Variants in HTR1F observed in about 807,000 individuals in gnomAD.
HTR1F encodes 5-hydroxytryptamine (serotonin) receptor 1F, G protein-coupled.
Under a neutral mutation model 24.0 loss-of-function variants are expected in HTR1F, and 17 were observed. That is an observed-to-expected ratio of 0.71 (90% CI 0.48 to 1.06). The LOEUF (loss-of-function observed/expected upper bound fraction) is 1.06. Ranked by LOEUF, HTR1F falls within the 50% of genes least tolerant of loss-of-function variation. The pLI is 0.00. For synonymous variants in HTR1F, 186 were observed against 156.8 expected (o/e 1.19, Z -1.39); for missense variants, 391 against 427.8 (o/e 0.91, Z 0.76).
At chr3:87,896,664 C>T (rs1297072428) in intron 2 of HTR1F, among the ~76,000 whole-genome samples, 3 of 152,076 alleles carry the variant, frequency 2.0e-5, no homozygotes, top group Non-Finnish European at 4.4e-5. Context: ...GTTTGCAAAT[C>T]ATATATCTGA....
chr3:87,903,737 A>C (rs1576009428), intron 2 of HTR1F, among the ~76,000 whole-genome samples: 2 of 152,258 alleles, frequency 1.3e-5, no homozygotes, highest in African/African-American at 2.4e-5. Flanking sequence ...GGGATCTAGA[A>C]CTAGAAATAC....
chr3:87,886,456 C>T lies in HTR1F; in HGVS notation c.-43+64332C>T, dbSNP rs536397039. Reference sequence around the variant, plus strand: ...AAGACAGAGATGCCCTCTCTCACCACTCCTATGCAACATAGTGTTGGAAGT... The same window carrying T: ...AAGACAGAGATGCCCTCTCTCACCATTCCTATGCAACATAGTGTTGGAAGT... On this transcript the variant is annotated intron_variant, in intron 2 of 2. Transcript: ENST00000319595. 1.6e-4 allele frequency among the ~76,000 whole-genome samples: 25 copies of T among 152,298 alleles called. No individual in the cohort carries two copies. The East Asian group carries it at 4.6e-3, about 28-fold the overall frequency.
chr3:87,886,264 GA>G (rs1380893334), intron 2 of HTR1F, among the ~76,000 whole-genome samples: 1 of 152,158 alleles, frequency 6.6e-6, no homozygotes, highest in Non-Finnish European at 1.5e-5. Context: ...AATAGATGCA[GA>G]AAAGGCCTTT....
At chr3:87,884,659 A>G (rs1705892522) in intron 2 of HTR1F, among the ~76,000 whole-genome samples, 1 of 150,680 alleles carries the variant, frequency 6.6e-6, no homozygotes, top group Non-Finnish European at 1.5e-5. Flanking sequence ...AGGAAGATCT[A>G]CCAAGCAAAT....
At chr3:87,914,677 C>G (rs1023900938) in intron 2 of HTR1F, among the ~76,000 whole-genome samples, 4 of 152,054 alleles carry the variant, frequency 2.6e-5, no homozygotes, top group African/African-American at 9.7e-5. Flanking sequence ...TCCTCCACAG[C>G]AGCCCCAGCT....
At chr3:87,811,619 A>C (rs1299699901) in intron 1 of HTR1F, among the ~76,000 whole-genome samples, 1 of 152,158 alleles carries the variant, frequency 6.6e-6, no homozygotes, top group African/African-American at 2.4e-5. Context: ...TGTTTAAAAA[A>C]ACAGCTTGAG....
At chr3:87,839,121 T>A (rs552183647) in intron 2 of HTR1F, among the ~76,000 whole-genome samples, 2 of 151,980 alleles carry the variant, frequency 1.3e-5, no homozygotes, top group Admixed American at 1.3e-4. Flanking sequence ...GGGTTCATAC[T>A]CAAAAAAATC....
chr3:87,950,930 A>G (rs944657078), intron 2 of HTR1F, among the ~76,000 whole-genome samples: 1 of 152,182 alleles, frequency 6.6e-6, no homozygotes, highest in African/African-American at 2.4e-5. Context: ...CCTTGGAAAC[A>G]AGTTCTTATC....
At chr3:87,979,294 C>T (rs1705490575) in intron 2 of HTR1F, among the ~76,000 whole-genome samples, 1 of 152,048 alleles carries the variant, frequency 6.6e-6, no homozygotes, top group Non-Finnish European at 1.5e-5. Flanking sequence ...CACACAACCG[C>T]TAGACCTCCA....
At chr3:87,932,652 G>A (rs1704309264) in intron 2 of HTR1F, among the ~76,000 whole-genome samples, 1 of 152,038 alleles carries the variant, frequency 6.6e-6, no homozygotes, top group African/African-American at 2.4e-5. Flanking sequence ...GACTAAACCA[G>A]GAAGAAGTTG....
intron 2 of HTR1F, among the ~76,000 whole-genome samples, chr3:87,881,925 C>A (rs1480803090): frequency 6.6e-6 from 1 of 152,014 alleles, no homozygotes; most frequent in Non-Finnish European, 1.5e-5. Context: ...AACAGGCAAC[C>A]CACAAAATGG....
intron 2 of HTR1F, among the ~76,000 whole-genome samples, chr3:87,885,464 C>T (rs1214052425): frequency 2.0e-5 from 3 of 151,926 alleles, no homozygotes; most frequent in Admixed American, 6.6e-5. Flanking sequence ...AATTCAAAAG[C>T]GAGCAGAAGG....
intron 2 of HTR1F, among the ~76,000 whole-genome samples, chr3:87,872,542 A>G (rs1258091761): frequency 6.6e-6 from 1 of 152,012 alleles, no homozygotes; most frequent in Non-Finnish European, 1.5e-5. Flanking sequence ...TCTAACTAAA[A>G]GAGACTAAGT....
intron 2 of HTR1F, among the ~76,000 whole-genome samples, chr3:87,931,870 C>A (rs1414093312): frequency 6.7e-6 from 1 of 150,334 alleles, no homozygotes; most frequent in Non-Finnish European, 1.5e-5. Context: ...CTGTTCATAT[C>A]CTTTGCCCAC....
intron 2 of HTR1F, among the ~76,000 whole-genome samples, chr3:87,907,197 A>ATT (rs34920865): frequency 0.01 from 1,525 of 147,826 alleles, 19 homozygotes; most frequent in African/African-American, 0.028. Context: ...GCCAACATTT[A>ATT]TTTTTTTTTT....
At chr3:87,934,662 A>G (rs1406963236) in intron 2 of HTR1F, among the ~76,000 whole-genome samples, 1 of 152,160 alleles carries the variant, frequency 6.6e-6, no homozygotes, top group Non-Finnish European at 1.5e-5. Context: ...GATGACTTCA[A>G]CAATCACTTC....
At chr3:87,819,768 T>C (rs1217706994) in intron 1 of HTR1F, among the ~76,000 whole-genome samples, 14 of 151,996 alleles carry the variant, frequency 9.2e-5, no homozygotes, top group Non-Finnish European at 1.9e-4. Flanking sequence ...TATTAGCTAA[T>C]AGGGGCAAAA....
chr3:87,917,629 C>T (rs76868929), intron 2 of HTR1F, among the ~76,000 whole-genome samples: 18 of 151,766 alleles, frequency 1.2e-4, no homozygotes, highest in African/African-American at 4.1e-4. Context: ...TGAATAAATT[C>T]TTGGAAAGAT....
intron 1 of HTR1F, among the ~76,000 whole-genome samples, chr3:87,797,372 TTAAAATTAAAAGATCTGCAAAGTCTGC>T (rs1287106333): frequency 1.3e-5 from 2 of 152,172 alleles, no homozygotes; most frequent in Non-Finnish European, 2.9e-5. Flanking sequence ...TTTCCATATG[TTAAAATTAAAAGATCTGCAAAGTCTGC>T]TAAGCTAGCA....
Sources: allele counts gnomAD v4.1 joint callset (sites outside exome capture counted in the v4.1 genomes callset), GRCh38; gene constraint gnomAD v4.1.1; transcripts MANE v1.5; gene names NCBI Gene and HGNC (gene_info 2026-07-23, HGNC 2026-07-21).